The following PDE3B variants were observed in gnomAD, a reference collection of about 807,000 sequenced individuals.
PDE3B encodes cGMP-inhibited 3',5'-cyclic phosphodiesterase 3B.
Under a neutral mutation model 116.8 loss-of-function variants are expected in PDE3B, and 66 were observed. The ratio of observed to expected loss-of-function variants is 0.56; its 90% confidence interval spans 0.46 to 0.69. PDE3B has a LOEUF of 0.69. PDE3B is among the 30% of genes least tolerant of loss of function. The pLI, the probability that PDE3B is intolerant of heterozygous loss-of-function variation, is 0.00. For synonymous variants in PDE3B, 595 were observed against 533.6 expected, an observed-to-expected ratio of 1.12 and a Z score of -1.59; for missense variants, 1,384 against 1,368.1, an observed-to-expected ratio of 1.01 and a Z score of -0.18.
intron 7 of PDE3B, among the ~76,000 whole-genome samples, chr11:14,830,040 A>G (rs765189620): frequency 2.0e-4 from 31 of 152,084 alleles, no homozygotes; most frequent in Non-Finnish European, 3.8e-4. Flanking sequence ...TTTAAGTACC[A>G]TCCATATTGT....
chr11:14,772,777 C>T (rs959833697), intron 2 of PDE3B: 2 of 151,810 alleles, frequency 1.3e-5, no homozygotes, highest in African/African-American at 4.8e-5. Flanking sequence ...ACTCATAAAA[C>T]ATCAAGCAAT....
chr11:14,693,293 AGAACATCTAGCTAAGGTAAGTGGAAG>A (rs1855101027), intron 1 of PDE3B, among the ~76,000 whole-genome samples: 1 of 152,262 alleles, frequency 6.6e-6, no homozygotes, highest in African/African-American at 2.4e-5. Context: ...CAAGTTATCT[AGAACATCTAGCTAAGGTAAGTGGAAG>A]GTGGCTGCAC....
At chr11:14,811,517 A>C (rs1474269824) in intron 5 of PDE3B, among the ~76,000 whole-genome samples, 1 of 151,664 alleles carries the variant, frequency 6.6e-6, no homozygotes, top group Non-Finnish European at 1.5e-5. Context: ...TTTTGGTACC[A>C]GTACCATGCT....
intron 2 of PDE3B, among the ~76,000 whole-genome samples, chr11:14,785,206 C>T (rs1322531877): frequency 6.6e-6 from 1 of 152,070 alleles, no homozygotes; most frequent in Admixed American, 6.5e-5. Context: ...TTCAGCAATT[C>T]AGATTATGGG....
intron 1 of PDE3B, among the ~76,000 whole-genome samples, chr11:14,737,680 A>G (rs937317941): frequency 3.3e-5 from 5 of 152,142 alleles, no homozygotes; most frequent in African/African-American, 4.8e-5. Context: ...GGTTAGTTAC[A>G]TATGTATACA....
intron 2 of PDE3B, among the ~76,000 whole-genome samples, chr11:14,784,126 C>T (rs1251149187): frequency 6.6e-6 from 1 of 152,168 alleles, no homozygotes; most frequent in Non-Finnish European, 1.5e-5. Flanking sequence ...TCTCCTCGCA[C>T]CCCTACCCAG....
chr11:14,724,844 A>G (rs868575621), intron 1 of PDE3B, among the ~76,000 whole-genome samples: 1 of 152,244 alleles, frequency 6.6e-6, no homozygotes, highest in Non-Finnish European at 1.5e-5. Flanking sequence ...ATATAGTAGA[A>G]GGATTCTTTC....
intron 1 of PDE3B, among the ~76,000 whole-genome samples, chr11:14,657,573 G>T (rs765048765): frequency 1.8e-4 from 27 of 152,108 alleles, no homozygotes; most frequent in Non-Finnish European, 2.6e-4. Flanking sequence ...AAATACCAGT[G>T]TTTATCATTA....
the PDE3B span, chr11:14,880,433 T>C: frequency 1.9e-6 from 3 of 1,613,408 alleles, no homozygotes; most frequent in Non-Finnish European, 1.7e-6. Context: ...AGGATGCCAA[T>C]CCATGGAAAG....
At chr11:14,783,887 T>G (rs1858111704) in intron 2 of PDE3B, among the ~76,000 whole-genome samples, 1 of 152,172 alleles carries the variant, frequency 6.6e-6, no homozygotes, top group Admixed American at 6.5e-5. Context: ...CACCAACCAG[T>G]ACCGGTCTGT....
intron 12 of PDE3B, among the ~76,000 whole-genome samples, chr11:14,851,413 G>A: frequency 6.8e-6 from 1 of 146,788 alleles, no homozygotes; most frequent in East Asian, 1.9e-4. Flanking sequence ...TTAAAAATAG[G>A]AGATATATTC....
chr11:14,813,745 G>C (rs997410832), intron 5 of PDE3B, among the ~76,000 whole-genome samples: 1 of 152,100 alleles, frequency 6.6e-6, no homozygotes, highest in Non-Finnish European at 1.5e-5. Context: ...ACTGAAAAGG[G>C]AAAGAGGAAA....
At chr11:14,723,663 A>T (rs1490708950) in intron 1 of PDE3B, among the ~76,000 whole-genome samples, 1 of 152,032 alleles carries the variant, frequency 6.6e-6, no homozygotes, top group Non-Finnish European at 1.5e-5. Flanking sequence ...CAGGAGGCTG[A>T]GGCAGGAGGA....
chr11:14,751,126 C>T (rs142356818), intron 1 of PDE3B, among the ~76,000 whole-genome samples: 1 of 152,076 alleles, frequency 6.6e-6, no homozygotes, highest in Non-Finnish European at 1.5e-5. Flanking sequence ...ACATTGTGCA[C>T]CTGGTGATTA....
chr11:14,663,845 A>G (rs1434715133), intron 1 of PDE3B, among the ~76,000 whole-genome samples: 1 of 152,104 alleles, frequency 6.6e-6, no homozygotes, highest in South Asian at 2.1e-4. Flanking sequence ...CCCACTGTCA[A>G]CATTAGATCA....
chr11:14,893,435 C>T, the PDE3B span, among the ~76,000 whole-genome samples: 3 of 152,166 alleles, frequency 2.0e-5, no homozygotes, highest in Non-Finnish European at 4.4e-5. Flanking sequence ...AAATTACCAC[C>T]AATCTGATGG....
At chr11:14,739,823 ATTTTGTCGAAGGCC>A (rs975278484) in intron 1 of PDE3B, among the ~76,000 whole-genome samples, 18 of 152,074 alleles carry the variant, frequency 1.2e-4, no homozygotes, top group Admixed American at 1.2e-3. Flanking sequence ...GGGGTGTTGA[ATTTTGTCGAAGGCC>A]TTTTGTGCAT....
intron 1 of PDE3B, among the ~76,000 whole-genome samples, chr11:14,709,950 T>C (rs1194645102): frequency 1.3e-5 from 2 of 152,156 alleles, no homozygotes; most frequent in African/African-American, 2.4e-5. Context: ...TCTCACCCTA[T>C]CCAAAGGAAT....
intron 1 of PDE3B, among the ~76,000 whole-genome samples, chr11:14,708,002 C>G (rs928888774): frequency 4.6e-5 from 7 of 151,982 alleles, no homozygotes; most frequent in African/African-American, 1.7e-4. Context: ...ATTTAGCCTT[C>G]TTCTTGGTTG....
Sources: gnomAD v4.1 joint callset for allele counts (sites outside exome capture counted in the v4.1 genomes callset) on GRCh38, gnomAD v4.1.1 for gene constraint, MANE v1.5 for transcripts, NCBI Gene and HGNC (gene_info 2026-07-23, HGNC 2026-07-21) for gene names.